The following NT5M variants were observed in gnomAD, a reference collection of about 807,000 sequenced individuals.
NT5M encodes 5'(3')-deoxyribonucleotidase, mitochondrial.
A neutral mutation model predicts 22.2 loss-of-function variants in NT5M; 22 were observed. The observed-to-expected ratio is 0.99, with a 90% CI of 0.71 to 1.41. NT5M has a LOEUF of 1.41. Ranked by LOEUF, NT5M falls within the 40% of genes most tolerant of loss-of-function variation. The probability of loss-of-function intolerance (pLI) is 0.00; values close to 1 mark genes in which losing one functional copy is unlikely to be tolerated. For synonymous variants in NT5M, 167 were observed against 133.0 expected, an observed-to-expected ratio of 1.26 and a Z score of -1.76; for missense variants, 322 against 314.8, an observed-to-expected ratio of 1.02 and a Z score of -0.17.
intron 2 of NT5M, among the ~76,000 whole-genome samples, chr17:17,312,259 T>G (rs2048935061): frequency 6.6e-6 from 1 of 152,198 alleles, no homozygotes; most frequent in South Asian, 2.1e-4. Flanking sequence ...TTAGATTGGC[T>G]TCTTCACCAT....
At chr17:17,320,451 A>T (rs1358607977) in intron 2 of NT5M, among the ~76,000 whole-genome samples, 1 of 152,042 alleles carries the variant, frequency 6.6e-6, no homozygotes, top group African/African-American at 2.4e-5. Flanking sequence ...TTGGGGGTGG[A>T]ATAAAGGTAG....
At chr17:17,335,979 A>G (rs2049500906) in intron 3 of NT5M, among the ~76,000 whole-genome samples, 1 of 146,840 alleles carries the variant, frequency 6.8e-6, no homozygotes. Flanking sequence ...TTGTGCTAGC[A>G]AATACTAGGT....
chr17:17,346,253 C>T (rs1306032040), intron 4 of NT5M, among the ~76,000 whole-genome samples: 1 of 152,068 alleles, frequency 6.6e-6, no homozygotes, highest in Non-Finnish European at 1.5e-5. Flanking sequence ...TCTCCAGCCA[C>T]AGGTTGTTGG....
chr17:17,308,875 C>T (rs918860105), intron 2 of NT5M, among the ~76,000 whole-genome samples: 2 of 152,156 alleles, frequency 1.3e-5, no homozygotes, highest in African/African-American at 2.4e-5. Flanking sequence ...GGTCTGGCTT[C>T]TTTCATTTAG....
At chr17:17,304,328 G>A in intron 1 of NT5M, 1 of 859,776 alleles carries the variant, frequency 1.2e-6, no homozygotes. Context: ...TGGTCCAGGT[G>A]AGGTGGGATC....
chr17:17,318,020 A>T (rs2049068980), intron 2 of NT5M, among the ~76,000 whole-genome samples: 1 of 151,510 alleles, frequency 6.6e-6, no homozygotes, highest in Non-Finnish European at 1.5e-5. Flanking sequence ...CAGCAATTCA[A>T]CTCATAGGTG....
chr17:17,319,362 G>A (rs532439728), intron 2 of NT5M, among the ~76,000 whole-genome samples: 3 of 152,152 alleles, frequency 2.0e-5, no homozygotes, highest in South Asian at 2.1e-4. Context: ...CTTTAAATTC[G>A]ATTGTGGTGA....
At chr17:17,345,373 C>A in intron 4 of NT5M, 2 of 617,788 alleles carry the variant, frequency 3.2e-6, no homozygotes, top group Non-Finnish European at 2.0e-6. Flanking sequence ...CCTTGAACTG[C>A]CGTAGAAAGG....
At chr17:17,314,552 T>A (rs1201371285) in intron 2 of NT5M, among the ~76,000 whole-genome samples, 2 of 152,316 alleles carry the variant, frequency 1.3e-5, no homozygotes, top group African/African-American at 4.8e-5. Flanking sequence ...TGATATTTTT[T>A]AAACCAAATT....
rs1208301149 is a variant in NT5M at position 17,303,667 on chromosome 17, G to T, written c.117G>T (p.Leu39=). 6.4e-7 allele frequency: 1 copy of T among 1,567,802 alleles called. No individual in the cohort carries two copies. The highest frequency in any genetic ancestry group is 1.2e-5 in the South Asian group (1 of 85,916). The change falls in exon 1 of 5, where the codon CTG becomes CTT. Residue 39 remains leucine (L), a synonymous_variant. Coordinates refer to ENST00000389022, the MANE Select transcript of NT5M (RefSeq NM_020201.4). ...GLAGGRALRV[L]VDMDGVLADF... ...CGGGAGGCCGCGCCCTACGGGTGCT[G>T]GTGGACATGGACGGCGTGCTGGCTG...
intron 2 of NT5M, among the ~76,000 whole-genome samples, chr17:17,311,190 T>C (rs537539513): frequency 6.6e-6 from 1 of 151,818 alleles, no homozygotes; most frequent in Non-Finnish European, 1.5e-5. Flanking sequence ...CAAAAATAAT[T>C]AGCTGGGTGT....
At chr17:17,325,030 G>A (rs2145380810) in intron 3 of NT5M, among the ~76,000 whole-genome samples, 1 of 152,146 alleles carries the variant, frequency 6.6e-6, no homozygotes, top group South Asian at 2.1e-4. Flanking sequence ...CTCCTTAGGA[G>A]TGGACATTTT....
chr17:17,315,653 C>T (rs1361005110), intron 2 of NT5M, among the ~76,000 whole-genome samples: 2 of 145,956 alleles, frequency 1.4e-5, no homozygotes, highest in African/African-American at 5.1e-5. Context: ...AGGAACTGGA[C>T]AGCTGGCACT....
At chr17:17,339,064 TA>T (rs1454428815) in intron 3 of NT5M, among the ~76,000 whole-genome samples, 1 of 152,232 alleles carries the variant, frequency 6.6e-6, no homozygotes, top group East Asian at 1.9e-4. Context: ...ATTAAATCTG[TA>T]AATTGCTTTG....
At chr17:17,343,381 G>A (rs2142383813) in intron 3 of NT5M, among the ~76,000 whole-genome samples, 1 of 152,326 alleles carries the variant, frequency 6.6e-6, no homozygotes, top group African/African-American at 2.4e-5. Context: ...GTCGTGGGTG[G>A]GCGTGGCAAG....
At chr17:17,340,702 T>C (rs1443516956) in intron 3 of NT5M, among the ~76,000 whole-genome samples, 1 of 152,038 alleles carries the variant, frequency 6.6e-6, no homozygotes, top group Non-Finnish European at 1.5e-5. Flanking sequence ...TATTTTTGTT[T>C]TTTTAGTAGA....
At chr17:17,338,119 C>T (rs931548774) in intron 3 of NT5M, among the ~76,000 whole-genome samples, 1 of 151,954 alleles carries the variant, frequency 6.6e-6, no homozygotes, top group African/African-American at 2.4e-5. Context: ...TGTCGTTTCC[C>T]CAATATATGT....
rs527946756 is a variant in NT5M, at chr17:17,342,949, G to A, written c.430-1845G>A. On this transcript the variant is annotated intron_variant, in intron 3 of 4. Coordinates refer to ENST00000389022, the MANE Select transcript of NT5M (RefSeq NM_020201.4). ...TTGGCTAAATTACTACACAAGTCAG[G>A]AAAGTTTGGCTACTTGGAATGTTGC... Among the ~76,000 whole-genome samples, 9 of 152,318 alleles carry A rather than the reference G, an allele frequency of 5.9e-5. No individual in the cohort carries two copies. In the South Asian group the frequency reaches 1.9e-3, roughly 32 times the overall value.
chr17:17,345,237 C>G (rs1258333536), intron 4 of NT5M: 3 of 1,107,962 alleles, frequency 2.7e-6, no homozygotes, highest in South Asian at 6.3e-5. Context: ...GCAACAAAAC[C>G]CATTTTTTCC....
Sources: allele counts gnomAD v4.1 joint callset (sites outside exome capture counted in the v4.1 genomes callset), GRCh38; gene constraint gnomAD v4.1.1; transcripts MANE v1.5; gene names NCBI Gene and HGNC (gene_info 2026-07-23, HGNC 2026-07-21).